Variants in PYGL observed in about 807,000 individuals in gnomAD.
The protein encoded by PYGL is glycogen phosphorylase, liver form.
A neutral mutation model predicts 100.1 loss-of-function variants in PYGL; 90 were observed. The observed-to-expected ratio is 0.90, with a 90% CI of 0.76 to 1.07. The LOEUF (loss-of-function observed/expected upper bound fraction) is 1.07. PYGL is among the 50% of genes least tolerant of loss of function. PYGL has a pLI of 0.00. For missense variants in PYGL, 1,016 were observed against 1,057.6 expected (o/e 0.96, Z 0.55); for synonymous variants, 373 against 393.0 (o/e 0.95, Z 0.60).
chr14:50,920,528 C>T lies in PYGL; in HGVS notation c.855+13G>A. On this transcript the variant is annotated intron_variant, in intron 7 of 19. Transcript: ENST00000216392. ...CCTCTGTTGCCACTAAGAAAGCAAC[C>T]TTGATCACTCACATTGTCATTGGGA... 2 of 1,602,486 alleles carry T rather than the reference C, an allele frequency of 1.2e-6. No individual in the cohort carries two copies. The highest frequency in any genetic ancestry group is 1.7e-6 in the Non-Finnish European group (2 of 1,169,536).
chr14:50,908,685 C>T lies in PYGL; in HGVS notation c.2312+136G>A, dbSNP rs78570192. 3,536 of 1,267,238 alleles carry T rather than the reference C, an allele frequency of 2.8e-3. 7 individuals are homozygous for T. Among genetic ancestry groups the T allele is most frequent in the Non-Finnish European group, 3.7e-3 (3,271 of 895,310 alleles). The allele number at this position is 1,267,238 out of a possible 1,614,324, so 78.5% of individuals were successfully genotyped here. A position where few individuals can be genotyped will look rare whatever the true frequency, so the allele number is the denominator to read the frequency against. ...CCTGAGCAGATCACGCTAATCTATG[C>T]TAATCTACATGAGTGGGTTTAAGTT... On this transcript the variant is annotated intron_variant, in intron 18 of 19. Transcript: ENST00000216392.
chr14:50,913,237 C>G (rs543462547), intron 12 of PYGL, 107 bp from the exon 13 acceptor site: 2 of 856,828 alleles, frequency 2.3e-6, no homozygotes, highest in Middle Eastern at 2.2e-4. Flanking sequence ...GTGTAGTTCA[C>G]GTATCACACA....
rs765872937 is a variant in PYGL at position 50,910,039 on chromosome 14, C to T, written c.2033G>A (p.Gly678Asp). ...CCCATTTAGCATGAACTTCATATTG[C>T]CTGTCCCCGAGGCTTCGGTGCCTGC... is the stretch of plus-strand genomic sequence containing the variant. Reference protein sequence around the residue: ...STAGTEASGTGNMKFMLNGAL... With the variant: ...STAGTEASGTDNMKFMLNGAL... The change falls in exon 17 of 20, where the codon GGC becomes GAC. Residue 678 changes from glycine (G) to aspartate (D), a missense_variant. Physicochemically the swap from Gly to Asp is moderately conservative, Grantham distance 94. Transcript: ENST00000216392. 1.2e-6 allele frequency: 2 copies of T among 1,614,196 alleles called. No homozygotes were observed. Among genetic ancestry groups the T allele is most frequent in the South Asian group, 2.2e-5 (2 of 91,084 alleles).
At position 50,913,115 on chromosome 14, in the gene PYGL, A is replaced by T; in HGVS notation, c.1534T>A (p.Tyr512Asn). Residue 512 changes from tyrosine (Y) to asparagine (N), a missense_variant, in exon 13 of 20, where the codon TAT becomes AAT. Tyr to Asn is a moderately radical substitution (Grantham distance 143). Coordinates refer to ENST00000216392, the MANE Select transcript of PYGL (RefSeq NM_002863.5). ...GTCAGCTGGCTCAGGTCTTTCACAT[A>T]GTCTTCTCCAATTTTCTTTCAATTC... Reference protein sequence around the residue: ...ELIAEKIGEDYVKDLSQLTKL... With the variant: ...ELIAEKIGEDNVKDLSQLTKL... 1 of 1,613,764 alleles carries T rather than the reference A, an allele frequency of 6.2e-7. No homozygotes were observed.
At chr14:50,925,160 C>T (rs1000346242) in intron 4 of PYGL, among the ~76,000 whole-genome samples, 4 of 152,170 alleles carry the variant, frequency 2.6e-5, no homozygotes, top group Non-Finnish European at 5.9e-5. Context: ...CTGTACAGCA[C>T]GTTACTGTGC....
chr14:50,914,598 G>A, intron 12 of PYGL, 103 bp downstream of exon 12: 1 of 933,568 alleles, frequency 1.1e-6, no homozygotes, highest in Non-Finnish European at 1.7e-6. Flanking sequence ...CACATGCTGA[G>A]GAAGCCAGCC....
intron 19 of PYGL, among the ~76,000 whole-genome samples, chr14:50,907,445 T>C (rs1224672269): frequency 6.6e-6 from 1 of 152,180 alleles, no homozygotes; most frequent in Non-Finnish European, 1.5e-5. Context: ...CACCCATTAC[T>C]GGGAAAGAAT....
chr14:50,918,748 A>G (rs1208009406), intron 7 of PYGL, among the ~76,000 whole-genome samples: 2 of 152,170 alleles, frequency 1.3e-5, no homozygotes, highest in Non-Finnish European at 2.9e-5. Flanking sequence ...ACCACTAAAG[A>G]ACTTATCCAT....
At chr14:50,909,270 T>A (rs1207530535) in intron 17 of PYGL, among the ~76,000 whole-genome samples, 1 of 152,204 alleles carries the variant, frequency 6.6e-6, no homozygotes, top group Non-Finnish European at 1.5e-5. Flanking sequence ...TGGCTTTAAA[T>A]GAACATTGTA....
At chr14:50,919,939 CT>C (rs2050485707) in intron 7 of PYGL, among the ~76,000 whole-genome samples, 1 of 151,814 alleles carries the variant, frequency 6.6e-6, no homozygotes, top group Non-Finnish European at 1.5e-5. Flanking sequence ...CCGCCTCAGA[CT>C]CCCAAAGTGC....
chr14:50,905,410 G>T lies in PYGL; in HGVS notation c.2526C>A (p.Asn842Lys). 2 of 1,613,136 alleles carry T rather than the reference G, an allele frequency of 1.2e-6. No homozygotes were observed. The highest frequency in any genetic ancestry group is 1.1e-5 in the South Asian group (1 of 91,052). ...DLKISLSNES[N>K]KVNGN The stretch of plus-strand genomic sequence containing the variant: ...CTAGAGTTCAATTTCCATTGACTTT[G>T]TTAGATTCATTGGATAGAGAAATCT... Residue 842 changes from asparagine to lysine, a missense_variant, in exon 20 of 20, where the codon AAC becomes AAA. Coordinates refer to ENST00000216392, the MANE Select transcript of PYGL (RefSeq NM_002863.5).
Position 50,917,015 on chromosome 14 carries a change from T to TG in PYGL, c.945dup (p.Lys316GlnfsTer13). ...CCTGCACCACGGGTGGAGCCAAACTTGGAGGCTTTGAAACGGCGGATGATA... is the reference window on the plus strand; with the variant it reads ...CCTGCACCACGGGTGGAGCCAAACTTGGGAGGCTTTGAAACGGCGGATGATA... On this transcript the variant is annotated frameshift_variant, in exon 8 of 20. Coordinates refer to ENST00000216392, the MANE Select transcript of PYGL (RefSeq NM_002863.5). LOFTEE classifies it high-confidence loss of function. 2 of 1,614,102 alleles carry TG rather than the reference T, an allele frequency of 1.2e-6. No homozygotes were observed. The highest frequency in any genetic ancestry group is 1.7e-6 in the Non-Finnish European group (2 of 1,179,976).
intron 1 of PYGL, among the ~76,000 whole-genome samples, chr14:50,941,179 G>A (rs2050698991): frequency 6.6e-6 from 1 of 152,202 alleles, no homozygotes; most frequent in Admixed American, 6.5e-5. Context: ...AATGAGACGG[G>A]ATCATATACT....
At position 50,910,004 on chromosome 14, in the gene PYGL, T is replaced by A; in HGVS notation, c.2068A>T (p.Ile690Phe). The change falls in exon 17 of 20, where the codon ATC (isoleucine) becomes TTC (phenylalanine). Residue 690 changes from isoleucine to phenylalanine, a missense_variant. By Grantham distance (21) the Ile-to-Phe change is conservative. Transcript: ENST00000216392. Reference sequence around the variant, plus strand: ...ACATTGGCCCCATCCATGGTCCCGATAGTTAGGGCCCCATTTAGCATGAAC... The same window carrying A: ...ACATTGGCCCCATCCATGGTCCCGAAAGTTAGGGCCCCATTTAGCATGAAC... Reference protein sequence around the residue: ...MKFMLNGALTIGTMDGANVEM... With the variant: ...MKFMLNGALTFGTMDGANVEM... 6.2e-7 allele frequency: 1 copy of A among 1,614,180 alleles called. No individual in the cohort carries two copies. The highest frequency in any genetic ancestry group is 1.1e-5 in the South Asian group (1 of 91,082).
chr14:50,905,819 A>G (rs1178224107), intron 19 of PYGL, among the ~76,000 whole-genome samples: 1 of 152,256 alleles, frequency 6.6e-6, no homozygotes, highest in African/African-American at 2.4e-5. Flanking sequence ...CCTAGTTGGC[A>G]ATTCCTGCTA....
At chr14:50,910,586 G>C (rs905136578) in intron 16 of PYGL, among the ~76,000 whole-genome samples, 2 of 152,166 alleles carry the variant, frequency 1.3e-5, no homozygotes, top group Admixed American at 6.5e-5. Context: ...CTCCCAAGTA[G>C]CTGCAATTAC....
At position 50,911,714 on chromosome 14, in the gene PYGL, G is replaced by A. The variant is rs770393894; in HGVS notation, c.1969+16C>T. Reference sequence around the variant, plus strand: ...GTTTGCCCTGGCCCCTGCATATTTTGCAATGAGGGTAGTACCTTTTTCAGC... The same window carrying A: ...GTTTGCCCTGGCCCCTGCATATTTTACAATGAGGGTAGTACCTTTTTCAGC... On this transcript the variant is annotated intron_variant, in intron 16 of 19. Transcript: ENST00000216392. 6.2e-7 allele frequency: 1 copy of A among 1,613,826 alleles called. No homozygotes were observed. Among genetic ancestry groups the A allele is most frequent in the African/African-American group, 1.3e-5 (1 of 74,902 alleles).
At chr14:50,918,054 T>C (rs1038135962) in intron 7 of PYGL, among the ~76,000 whole-genome samples, 3 of 152,018 alleles carry the variant, frequency 2.0e-5, no homozygotes, top group Non-Finnish European at 1.5e-5. Flanking sequence ...AGAAGATATA[T>C]GAACAGCCAA....
chr14:50,908,041 A>T (rs63595260), intron 19 of PYGL: 1 of 341,238 alleles, frequency 2.9e-6, no homozygotes, highest in African/African-American at 2.4e-5. Context: ...AAAAAAAAAA[A>T]TTACAACTCC....
Sources: gnomAD v4.1 joint callset for allele counts (sites outside exome capture counted in the v4.1 genomes callset) on GRCh38, gnomAD v4.1.1 for gene constraint, MANE v1.5 for transcripts, NCBI Gene and HGNC (gene_info 2026-07-23, HGNC 2026-07-21) for gene names.